HCRTR2: variants seen among roughly 807,000 people sequenced by gnomAD.
HCRTR2 encodes hypocretin receptor 2.
Under a neutral mutation model 49.0 loss-of-function variants are expected in HCRTR2, and 22 were observed. That is an observed-to-expected ratio of 0.45 (90% confidence interval 0.32 to 0.64). The LOEUF is 0.64. HCRTR2 is among the 30% of genes least tolerant of loss of function. The probability of loss-of-function intolerance (pLI) is 0.04; values close to 1 mark genes in which losing one functional copy is unlikely to be tolerated. For synonymous variants in HCRTR2, 236 were observed against 205.3 expected, an observed-to-expected ratio of 1.15 and a Z score of -1.28; for missense variants, 491 against 559.4, an observed-to-expected ratio of 0.88 and a Z score of 1.23.
intron 1 of HCRTR2, among the ~76,000 whole-genome samples, chr6:55,164,782 G>C (rs1764853721): frequency 6.7e-6 from 1 of 148,730 alleles, no homozygotes; most frequent in South Asian, 2.1e-4. Flanking sequence ...AAAAAAAAAA[G>C]ACCATTTATG....
At chr6:55,163,999 T>C (rs1764842062) in intron 1 of HCRTR2, among the ~76,000 whole-genome samples, 1 of 152,190 alleles carries the variant, frequency 6.6e-6, no homozygotes, top group Non-Finnish European at 1.5e-5. Context: ...AAGACATTTA[T>C]GTGGCCAAGA....
chr6:55,119,093 C>A (rs1016630284), intron 1 of HCRTR2, among the ~76,000 whole-genome samples: 1 of 152,012 alleles, frequency 6.6e-6, no homozygotes, highest in Admixed American at 6.6e-5. Context: ...CAGCTTCATC[C>A]ATGTCCCTGT....
intron 1 of HCRTR2, among the ~76,000 whole-genome samples, chr6:55,131,707 G>A (rs992122651): frequency 6.6e-6 from 1 of 151,760 alleles, no homozygotes; most frequent in Non-Finnish European, 1.5e-5. Context: ...TTTTAGATGT[G>A]CTAAGAATAG....
At chr6:55,135,720 A>G (rs750235713) in intron 1 of HCRTR2, among the ~76,000 whole-genome samples, 11 of 152,144 alleles carry the variant, frequency 7.2e-5, no homozygotes, top group Admixed American at 2.0e-4. Flanking sequence ...GCTATCATTT[A>G]CCCATGTTAT....
intron 1 of HCRTR2, among the ~76,000 whole-genome samples, chr6:55,236,175 T>G (rs145331004): frequency 3.9e-4 from 60 of 152,116 alleles, no homozygotes; most frequent in African/African-American, 1.4e-3. Context: ...ATTTTTCATA[T>G]TCCTCATATT....
intron 1 of HCRTR2, among the ~76,000 whole-genome samples, chr6:55,233,019 A>G (rs1025189109): frequency 2.0e-5 from 3 of 152,280 alleles, no homozygotes; most frequent in Non-Finnish European, 4.4e-5. Flanking sequence ...ATGTCTGATG[A>G]TTCAAGAAAA....
At position 55,232,288 on chromosome 6, in the gene HCRTR2, T is replaced by C. The variant is rs112186918; in HGVS notation, c.224-16351T>C. ...ATCTTTATATATTCACTTATTAAAA[T>C]GCACCACACAATTCCTAATTTATTG... On this transcript the variant is annotated intron_variant, in intron 1 of 6. Transcript: ENST00000370862. Among the ~76,000 whole-genome samples, 312 of 152,320 alleles carry C rather than the reference T, an allele frequency of 2.0e-3. 1 individual carries two copies. Among genetic ancestry groups the C allele is most frequent in the African/African-American group, 7.1e-3 (294 of 41,578 alleles).
intron 1 of HCRTR2, among the ~76,000 whole-genome samples, chr6:55,121,596 T>C (rs1297644830): frequency 6.6e-6 from 1 of 152,176 alleles, no homozygotes; most frequent in African/African-American, 2.4e-5. Context: ...TGGCTGTGGG[T>C]TTGGCATAAA....
intron 4 of HCRTR2, among the ~76,000 whole-genome samples, chr6:55,269,016 G>C (rs1490808274): frequency 6.6e-6 from 1 of 151,230 alleles, no homozygotes; most frequent in African/African-American, 2.4e-5. Context: ...CGTGAACCCG[G>C]GGGGTGGAGC....
At chr6:55,141,105 T>A (rs7748236) in intron 1 of HCRTR2, among the ~76,000 whole-genome samples, 1 of 151,552 alleles carries the variant, frequency 6.6e-6, no homozygotes, top group African/African-American at 2.4e-5. Flanking sequence ...GAGGCCGATG[T>A]GGGTGGATCA....
chr6:55,128,182 CT>C (rs1213552679), intron 1 of HCRTR2, among the ~76,000 whole-genome samples: 2 of 152,098 alleles, frequency 1.3e-5, no homozygotes, highest in African/African-American at 4.8e-5. Context: ...ATAGGGAGCC[CT>C]TTCCCCATTG....
upstream of HCRTR2, among the ~76,000 whole-genome samples, chr6:55,170,308 A>G (rs1258411119): frequency 6.7e-6 from 1 of 148,858 alleles, no homozygotes; most frequent in Non-Finnish European, 1.5e-5. Flanking sequence ...ATATTTATTT[A>G]TACATAGTAT....
chr6:55,113,102 A>G (rs976425900), intron 1 of HCRTR2, among the ~76,000 whole-genome samples: 1 of 151,984 alleles, frequency 6.6e-6, no homozygotes, highest in Non-Finnish European at 1.5e-5. Context: ...CTGGATCCTC[A>G]TTTCTCACCT....
intron 1 of HCRTR2, among the ~76,000 whole-genome samples, chr6:55,239,264 C>T (rs935468391): frequency 1.3e-5 from 2 of 152,178 alleles, no homozygotes; most frequent in Non-Finnish European, 2.9e-5. Flanking sequence ...AATAACACTG[C>T]TGTTTTGTTC....
chr6:55,281,745 G>T (rs1418579747), intron 6 of HCRTR2, among the ~76,000 whole-genome samples: 4 of 152,010 alleles, frequency 2.6e-5, no homozygotes, highest in Admixed American at 2.6e-4. Flanking sequence ...AAATTTTCTG[G>T]ATATTTGAGT....
intron 1 of HCRTR2, among the ~76,000 whole-genome samples, chr6:55,126,397 C>T (rs35701498): frequency 0.029 from 4,346 of 152,240 alleles, 157 homozygotes; most frequent in African/African-American, 0.08. Context: ...GAGGTCCACT[C>T]CTGACCCTGT....
At chr6:55,116,671 A>G (rs1043936325) in intron 1 of HCRTR2, among the ~76,000 whole-genome samples, 2 of 148,926 alleles carry the variant, frequency 1.3e-5, no homozygotes, top group Non-Finnish European at 3.0e-5. Context: ...AAATGATTGT[A>G]TCAAAAATAG....
upstream of HCRTR2, among the ~76,000 whole-genome samples, chr6:55,172,391 T>TA (rs944588232): frequency 1.3e-5 from 2 of 152,166 alleles, no homozygotes; most frequent in African/African-American, 4.8e-5. Flanking sequence ...TGTTTTTTTT[T>TA]AATCTAACTT....
chr6:55,283,711 T>C (rs962174234), downstream of HCRTR2, among the ~76,000 whole-genome samples: 2 of 152,216 alleles, frequency 1.3e-5, no homozygotes, highest in African/African-American at 4.8e-5. Flanking sequence ...TCTCCTATTA[T>C]GGTAACAGGT....
Sources: allele counts gnomAD v4.1 joint callset (sites outside exome capture counted in the v4.1 genomes callset), GRCh38; gene constraint gnomAD v4.1.1; transcripts MANE v1.5; gene names NCBI Gene and HGNC (gene_info 2026-07-23, HGNC 2026-07-21).